PCTP: variants seen among roughly 807,000 people sequenced by gnomAD.
PCTP encodes phosphatidylcholine transfer protein, also known as START domain-containing protein 2.
Under a neutral mutation model 31.0 loss-of-function variants are expected in PCTP, and 27 were observed. The observed-to-expected ratio is 0.87, with a 90% CI of 0.64 to 1.20. The LOEUF (loss-of-function observed/expected upper bound fraction) is 1.20. PCTP is among the 50% of genes most tolerant of loss of function. The pLI is 0.00. For synonymous variants in PCTP, 108 were observed against 101.2 expected (o/e 1.07, Z -0.40); for missense variants, 287 against 268.2 (o/e 1.07, Z -0.49).
chr17:55,842,310 C>T (rs1906008516), intron 5 of PCTP, among the ~76,000 whole-genome samples: 3 of 152,184 alleles, frequency 2.0e-5, no homozygotes, highest in Non-Finnish European at 4.4e-5. Flanking sequence ...CGTATATTAT[C>T]CAGAACTGGC....
the PCTP span, among the ~76,000 whole-genome samples, chr17:55,849,375 C>A: frequency 6.6e-6 from 1 of 152,152 alleles, no homozygotes; most frequent in Non-Finnish European, 1.5e-5. Context: ...GTAATTCCAG[C>A]ACTTTGGGAG....
chr17:55,839,440 C>G (rs1340888186), intron 5 of PCTP, among the ~76,000 whole-genome samples: 1 of 152,140 alleles, frequency 6.6e-6, no homozygotes, highest in Non-Finnish European at 1.5e-5. Flanking sequence ...TTAAAATCAC[C>G]TGGGGAACTT....
At chr17:55,798,106 C>T (rs892726685) in intron 3 of PCTP, among the ~76,000 whole-genome samples, 1 of 151,580 alleles carries the variant, frequency 6.6e-6, no homozygotes, top group Non-Finnish European at 1.5e-5. Context: ...ATTATATGAG[C>T]CTAACAGATT....
intron 3 of PCTP, among the ~76,000 whole-genome samples, chr17:55,814,498 G>A (rs1021850557): frequency 1.3e-5 from 2 of 152,244 alleles, no homozygotes; most frequent in South Asian, 2.1e-4. Context: ...GCTGTGCCAA[G>A]GCTGAACAAG....
At chr17:55,824,305 C>T (rs943896091), downstream of PCTP, among the ~76,000 whole-genome samples, 5 of 151,802 alleles carry the variant, frequency 3.3e-5, no homozygotes, top group Non-Finnish European at 7.4e-5. Context: ...AGTGTAGGTG[C>T]CACTAACTAG....
At chr17:55,846,174 G>A (rs1317806253), downstream of PCTP, among the ~76,000 whole-genome samples, 1 of 151,990 alleles carries the variant, frequency 6.6e-6, no homozygotes, top group Non-Finnish European at 1.5e-5. Flanking sequence ...TTTCTCTGTG[G>A]CTTTACACAG....
intron 5 of PCTP, among the ~76,000 whole-genome samples, chr17:55,832,877 T>C (rs1905651009): frequency 6.6e-6 from 1 of 152,226 alleles, no homozygotes; most frequent in African/African-American, 2.4e-5. Context: ...TTGAGGGCTT[T>C]TGGGGCTCTA....
At chr17:55,772,578 C>CAAA (rs35394658) in intron 3 of PCTP, among the ~76,000 whole-genome samples, 1 of 78,590 alleles carries the variant, frequency 1.3e-5, no homozygotes, top group Non-Finnish European at 2.7e-5. Flanking sequence ...GACTCTGTCT[C>CAAA]AAAAAAAAAA....
At chr17:55,834,365 C>A (rs1452212211) in intron 5 of PCTP, among the ~76,000 whole-genome samples, 1 of 152,110 alleles carries the variant, frequency 6.6e-6, no homozygotes, top group African/African-American at 2.4e-5. Flanking sequence ...TGCTCCACCC[C>A]CAACAGGCCT....
At chr17:55,832,663 C>T (rs1049427240) in intron 5 of PCTP, among the ~76,000 whole-genome samples, 15 of 152,228 alleles carry the variant, frequency 9.9e-5, no homozygotes, top group African/African-American at 3.6e-4. Flanking sequence ...CATGTAATCC[C>T]TAATGCTATG....
At chr17:55,831,084 G>A (rs943949673) in intron 5 of PCTP, among the ~76,000 whole-genome samples, 11 of 152,036 alleles carry the variant, frequency 7.2e-5, no homozygotes, top group East Asian at 3.9e-4. Context: ...CCATTCAATC[G>A]ATTACGGGCT....
chr17:55,793,513 CAG>C (rs1912077955), intron 3 of PCTP, among the ~76,000 whole-genome samples: 1 of 152,108 alleles, frequency 6.6e-6, no homozygotes. Flanking sequence ...CCACTTCCTA[CAG>C]AGAGAGTTTT....
chr17:55,820,305 C>T (rs1030471351), intron 3 of PCTP, among the ~76,000 whole-genome samples: 2 of 152,184 alleles, frequency 1.3e-5, no homozygotes, highest in South Asian at 4.1e-4. Context: ...TAACAAAATA[C>T]TGAAGAGCAG....
At chr17:55,811,919 G>T (rs1912765229) in intron 3 of PCTP, among the ~76,000 whole-genome samples, 1 of 152,200 alleles carries the variant, frequency 6.6e-6, no homozygotes, top group Non-Finnish European at 1.5e-5. Flanking sequence ...ATCTGGGTGA[G>T]TGACCCAAAC....
intron 3 of PCTP, among the ~76,000 whole-genome samples, chr17:55,820,310 G>A (rs531543480): frequency 2.0e-5 from 3 of 152,268 alleles, no homozygotes; most frequent in East Asian, 3.9e-4. Flanking sequence ...AAATACTGAA[G>A]AGCAGGTAAT....
Position 55,776,220 on chromosome 17 carries a change from C to A in PCTP, c.*120C>A. 1 of 1,491,518 alleles carries A rather than the reference C, an allele frequency of 6.7e-7. No homozygotes were observed. The highest frequency in any genetic ancestry group is 1.8e-4 in the Middle Eastern group (1 of 5,614). The allele number at this position is 1,491,518 out of a possible 1,614,324, so 92.4% of individuals were successfully genotyped here. A position where few individuals can be genotyped will look rare whatever the true frequency, so the allele number is the denominator to read the frequency against. On this transcript the variant is annotated 3_prime_UTR_variant, in exon 6 of 6. Transcript: ENST00000268896. ...GAAGTGTCTCTGGAAGAGCACCCAC[C>A]ACTGTTCAGCCTTCCCCTGCTGTTT...
intron 5 of PCTP, chr17:55,775,201 G>A: frequency 2.4e-6 from 3 of 1,263,112 alleles, no homozygotes; most frequent in Non-Finnish European, 3.0e-6. Context: ...TGCTTACTGG[G>A]GAATAAGACA....
intron 5 of PCTP, among the ~76,000 whole-genome samples, chr17:55,832,201 T>G (rs927985061): frequency 3.3e-5 from 5 of 152,248 alleles, no homozygotes; most frequent in African/African-American, 1.2e-4. Context: ...AAGTATATTT[T>G]GAAAGCTCAC....
At chr17:55,805,833 C>T (rs1229537464) in intron 3 of PCTP, among the ~76,000 whole-genome samples, 1 of 150,754 alleles carries the variant, frequency 6.6e-6, no homozygotes, top group Non-Finnish European at 1.5e-5. Context: ...TTTGGCCCTG[C>T]TTTTGAAGTA....
Sources: gnomAD v4.1 joint callset for allele counts (sites outside exome capture counted in the v4.1 genomes callset) on GRCh38, gnomAD v4.1.1 for gene constraint, MANE v1.5 for transcripts, NCBI Gene and HGNC (gene_info 2026-07-23, HGNC 2026-07-21) for gene names.